TMEM259: variants seen among roughly 807,000 people sequenced by gnomAD.
The protein encoded by TMEM259 is transmembrane protein 259, also known as membralin.
A neutral mutation model predicts 46.7 loss-of-function variants in TMEM259; 26 were observed. The observed-to-expected ratio is 0.56, with a 90% CI of 0.41 to 0.77. The LOEUF (loss-of-function observed/expected upper bound fraction) is 0.77. Ranked by LOEUF, TMEM259 falls within the 30% of genes least tolerant of loss-of-function variation. The pLI, the probability that TMEM259 is intolerant of heterozygous loss-of-function variation, is 0.00. For synonymous variants in TMEM259, 494 were observed against 395.1 expected (o/e 1.25, Z -2.97); for missense variants, 930 against 900.5 (o/e 1.03, Z -0.42).
At position 1,010,387 on chromosome 19, in the gene TMEM259, A is replaced by G. The variant is rs765602985; in HGVS notation, c.1826T>C (p.Met609Thr). 2 of 1,509,616 alleles carry G rather than the reference A, an allele frequency of 1.3e-6. No individual in the cohort carries two copies. The highest frequency in any genetic ancestry group is 1.8e-6 in the Non-Finnish European group (2 of 1,136,214). 93.5% of individuals were successfully genotyped at this position (1,509,616 alleles called of 1,614,324 possible). A position where few individuals can be genotyped will look rare whatever the true frequency, so the allele number is the denominator to read the frequency against. Reference sequence around the variant, plus strand: ...CTCCGAGGGCGCCTCCGTTGGGGCCATGGAGGCCGGGCTAGGCCCGCCTAC... The same window carrying G: ...CTCCGAGGGCGCCTCCGTTGGGGCCGTGGAGGCCGGGCTAGGCCCGCCTAC... ...AAVGGPSPAS[M>T]APTEAPSEVG... The change falls in exon 11 of 11, where the codon ATG becomes ACG. Residue 609 changes from methionine to threonine, a missense_variant. By Grantham distance (81) the Met-to-Thr change is moderately conservative. Coordinates refer to ENST00000356663, the MANE Select transcript of TMEM259 (RefSeq NM_001033026.2).
In TMEM259 at chr19:1,014,330, G is replaced by A. The variant is rs759062265; in HGVS notation, c.369C>T (p.Pro123=). 20 of 1,613,082 alleles carry A rather than the reference G, an allele frequency of 1.2e-5. No individual in the cohort carries two copies. Among genetic ancestry groups the A allele is most frequent in the Admixed American group, 5.0e-5 (3 of 60,020 alleles). The change falls in exon 2 of 11, where the codon CCC becomes CCT. Residue 123 remains proline (P), a synonymous_variant. Transcript: ENST00000356663. ...CGCTGTCACAGAACTGTAGGAAGAC[G>A]GGCGCGCGGCTCGAGTTGTGCCGCA... ...VEVRHNSSRA[P]VFLQFCDSGG...
intron 1 of TMEM259, among the ~76,000 whole-genome samples, chr19:1,019,211 GGGACC>G (rs2039207801): frequency 6.6e-6 from 1 of 152,162 alleles, no homozygotes; most frequent in Non-Finnish European, 1.5e-5. Context: ...GGGACATGGT[GGGACC>G]AGGGCCCAGG....
intron 1 of TMEM259, among the ~76,000 whole-genome samples, chr19:1,015,909 C>T (rs73920542): frequency 0.24 from 36,629 of 151,746 alleles, 4,579 homozygotes; most frequent in African/African-American, 0.31. Flanking sequence ...AACCCACTTC[C>T]AGCCCGGCCG....
At chr19:1,019,780 GC>G (rs1426461143) in intron 1 of TMEM259, among the ~76,000 whole-genome samples, 1 of 152,224 alleles carries the variant, frequency 6.6e-6, no homozygotes, top group African/African-American at 2.4e-5. Flanking sequence ...AACTTCAGCA[GC>G]CCCCAAGCCC....
chr19:1,010,596 A>ACT lies in TMEM259; in HGVS notation c.1616_1617insAG (p.Trp540ValfsTer19). On this transcript the variant is annotated frameshift_variant, in exon 11 of 11. Transcript: ENST00000356663. LOFTEE classifies it low-confidence loss of function (END_TRUNC). Reference sequence around the variant, plus strand: ...TGATGGCAGCGGTCTCTGCCATCCAACCCAGGTCACCACCGGCAGCTGCTG... The same window carrying ACT: ...TGATGGCAGCGGTCTCTGCCATCCAACTCCCAGGTCACCACCGGCAGCTGCTG... 1 of 1,551,314 alleles carries ACT rather than the reference A, an allele frequency of 6.4e-7. No individual in the cohort carries two copies. The highest frequency in any genetic ancestry group is 8.7e-7 in the Non-Finnish European group (1 of 1,149,840).
Position 1,011,559 on chromosome 19 carries a change from GA to G in TMEM259, c.1084+20del. ...GGGCGGGGTGCAGCGCGGGGCGGGGGAGGCCGGGTGGGGTCCTCACCGACGA... is the reference window on the plus strand; with the variant it reads ...GGGCGGGGTGCAGCGCGGGGCGGGGGGGCCGGGTGGGGTCCTCACCGACGA... On this transcript the variant is annotated intron_variant, in intron 8 of 10. Coordinates refer to ENST00000356663, the MANE Select transcript of TMEM259 (RefSeq NM_001033026.2). 1 of 1,490,298 alleles carries G rather than the reference GA, an allele frequency of 6.7e-7. No individual in the cohort carries two copies. The highest frequency in any genetic ancestry group is 9.1e-7 in the Non-Finnish European group (1 of 1,098,334). 92.3% of individuals were successfully genotyped at this position (1,490,298 alleles called of 1,614,324 possible). A position where few individuals can be genotyped will look rare whatever the true frequency, so the allele number is the denominator to read the frequency against.
chr19:1,011,312 C>G, intron 9 of TMEM259, 55 bp downstream of exon 9: 11 of 1,543,350 alleles, frequency 7.1e-6, no homozygotes, highest in Non-Finnish European at 7.8e-6. Flanking sequence ...CCTCTGGCAG[C>G]CCCCTACCCC....
rs887850049 is a variant in TMEM259 at position 1,012,349 on chromosome 19, G to A, written c.718+114C>T. 10 of 1,500,030 alleles carry A rather than the reference G, an allele frequency of 6.7e-6. No individual in the cohort carries two copies. The African/African-American group carries it at 1.4e-4, about 21-fold the overall frequency. The allele number at this position is 1,500,030 out of a possible 1,614,324, so 92.9% of individuals were successfully genotyped here. ...GCCCTGGGAAGCGTGCCTGGGGCGG[G>A]GCAGACCCCAGTGCTTCCTGCACAG... On this transcript the variant is annotated intron_variant, in intron 4 of 10. Transcript: ENST00000356663.
intron 4 of TMEM259, 32 bp downstream of exon 4, chr19:1,012,431 G>A (rs1412929356): frequency 6.4e-7 from 1 of 1,555,664 alleles, no homozygotes; most frequent in East Asian, 2.4e-5. Context: ...GCCCCGCCAT[G>A]GAGCTCCCCA....
In TMEM259 at chr19:1,020,926, G is replaced by C; in HGVS notation, c.71C>G (p.Ala24Gly). ...GAGATTGGGGGTGCGAGGCCCGCGC[G>C]CGGGGGCCGGGCCGCCGCCGCCGCC... ...PNGGGGGPAP[A>G]RGPRTPNLNP... The change falls in exon 1 of 11, where the codon GCG becomes GGG. Residue 24 changes from alanine to glycine, a missense_variant. Transcript: ENST00000356663. This position sits in a 1 kb window ranked among gnomAD's most constrained non-coding sequence, Gnocchi z 4.0. 7.9e-7 allele frequency: 1 copy of C among 1,266,944 alleles called. No homozygotes were observed. The highest frequency in any genetic ancestry group is 9.9e-7 in the Non-Finnish European group (1 of 1,005,284). The allele number at this position is 1,266,944 out of a possible 1,614,324, so 78.5% of individuals were successfully genotyped here. A position where few individuals can be genotyped will look rare whatever the true frequency, so the allele number is the denominator to read the frequency against.
Position 1,010,647 on chromosome 19 carries a change from G to A in TMEM259, c.1566C>T (p.Ser522=), listed in dbSNP as rs1344427137. Residue 522 remains serine, a synonymous_variant, in exon 11 of 11, where the codon TCC becomes TCT. Coordinates refer to ENST00000356663, the MANE Select transcript of TMEM259 (RefSeq NM_001033026.2). The part of the protein sequence containing the change: ...SPGPVAAAPS[S]LVAAAASVAA... ...CCACTGAGGCTGCCGCGGCCACCAG[G>A]GAGCTGGGCGCCGCTGCCACAGGCC... The A allele has an allele frequency of 6.5e-7, 1 of 1,540,466 alleles. No homozygotes were observed.
At chr19:1,015,422 C>T (rs1418078639) in intron 1 of TMEM259, among the ~76,000 whole-genome samples, 1 of 152,200 alleles carries the variant, frequency 6.6e-6, no homozygotes, top group Non-Finnish European at 1.5e-5. Flanking sequence ...GCCCACGCCC[C>T]AGCGTGCTGC....
At chr19:1,018,246 G>A (rs999297783) in intron 1 of TMEM259, among the ~76,000 whole-genome samples, 1 of 152,062 alleles carries the variant, frequency 6.6e-6, no homozygotes, top group South Asian at 2.1e-4. Context: ...GAGGTCTCCC[G>A]AGGGCCCCTG....
In TMEM259 at chr19:1,012,158, C is replaced by T. The variant is rs868142017; in HGVS notation, c.749G>A (p.Arg250His). ...DPTRDQCFGD[R>H]FSRLLLDEFL... is the part of the protein sequence containing the mutation. ...CTCATCCAGCAGCAGGCGGCTGAAG[C>T]GGTCCCCGAAGCACTGGTCCCGCGT... The change falls in exon 5 of 11, where the codon CGC becomes CAC. Residue 250 changes from arginine (R) to histidine (H), a missense_variant. Transcript: ENST00000356663. 12 of 1,606,424 alleles carry T rather than the reference C, an allele frequency of 7.5e-6. No individual in the cohort carries two copies. Among genetic ancestry groups the T allele is most frequent in the African/African-American group, 6.7e-5 (5 of 74,798 alleles).
rs368644367 is a variant in TMEM259, at chr19:1,012,193, G to C, written c.719-5C>G. 1.6e-5 allele frequency: 26 copies of C among 1,596,210 alleles called. No homozygotes were observed. Among genetic ancestry groups the C allele is most frequent in the Non-Finnish European group, 2.0e-5 (24 of 1,172,500 alleles). ...AGCACTGGTCCCGCGTGGGGTCTGCGGGTGGGTGAATCAGGGAGCCGGGAG... is the reference window on the plus strand; with the variant it reads ...AGCACTGGTCCCGCGTGGGGTCTGCCGGTGGGTGAATCAGGGAGCCGGGAG... On this transcript the variant is annotated splice_polypyrimidine_tract_variant and splice_region_variant and intron_variant, in intron 4 of 10. Transcript: ENST00000356663.
rs1275837378 is a variant in TMEM259, at chr19:1,020,690, C to G, written c.225+82G>C. ...TGGCGCTCGCTGTCCCCAGCGGGGC[C>G]AGGGGTCGCGGTCGGAGGTAGCAGA... is the stretch of plus-strand genomic sequence containing the variant. On this transcript the variant is annotated intron_variant, in intron 1 of 10. Coordinates refer to ENST00000356663, the MANE Select transcript of TMEM259 (RefSeq NM_001033026.2). The surrounding 1 kb of genome is among the most constrained non-coding windows in gnomAD (Gnocchi z 4.0). 9.4e-7 allele frequency: 1 copy of G among 1,064,364 alleles called. No homozygotes were observed. Among genetic ancestry groups the G allele is most frequent in the African/African-American group, 1.7e-5 (1 of 60,504 alleles). 65.9% of individuals were successfully genotyped at this position (1,064,364 alleles called of 1,614,324 possible).
At position 1,010,845 on chromosome 19, in the gene TMEM259, C is replaced by T; in HGVS notation, c.1368G>A (p.Gln456=). The change falls in exon 11 of 11, where the codon CAG becomes CAA. Residue 456 remains glutamine, a synonymous_variant. Coordinates refer to ENST00000356663, the MANE Select transcript of TMEM259 (RefSeq NM_001033026.2). ...GCAGCATCTCCTGGATGCGGACCTG[C>T]TGCAGGATGGCAGGCAGCTCGTAGT... ...FHHYELPAIL[Q]QVRIQEMLLQ... 1 of 1,590,364 alleles carries T rather than the reference C, an allele frequency of 6.3e-7. No homozygotes were observed. Among genetic ancestry groups the T allele is most frequent in the East Asian group, 2.2e-5 (1 of 44,628 alleles).
Position 1,020,700 on chromosome 19 carries a change from G to T in TMEM259, c.225+72C>A, listed in dbSNP as rs1341095089. ...TGTCCCCAGCGGGGCCAGGGGTCGCGGTCGGAGGTAGCAGACTTGGGGGTC... is the reference window on the plus strand; with the variant it reads ...TGTCCCCAGCGGGGCCAGGGGTCGCTGTCGGAGGTAGCAGACTTGGGGGTC... On this transcript the variant is annotated intron_variant, in intron 1 of 10. Transcript: ENST00000356663. This position sits in a 1 kb window ranked among gnomAD's most constrained non-coding sequence, Gnocchi z 4.0. 2 of 1,137,076 alleles carry T rather than the reference G, an allele frequency of 1.8e-6. No homozygotes were observed. The highest frequency in any genetic ancestry group is 1.6e-5 in the African/African-American group (1 of 61,942). 70.4% of individuals were successfully genotyped at this position (1,137,076 alleles called of 1,614,324 possible).
At position 1,010,477 on chromosome 19, in the gene TMEM259, G is replaced by A. The variant is rs765611899; in HGVS notation, c.1736C>T (p.Ala579Val). The A allele has an allele frequency of 9.7e-6, 15 of 1,545,872 alleles. No homozygotes were observed. In the Admixed American group the frequency reaches 3.0e-4, roughly 31 times the overall value. Residue 579 changes from alanine (A) to valine (V), a missense_variant, in exon 11 of 11, where the codon GCC becomes GTC. Ala to Val is a moderately conservative substitution (Grantham distance 64, BLOSUM62 0). Coordinates refer to ENST00000356663, the MANE Select transcript of TMEM259 (RefSeq NM_001033026.2). ...ACTCGGGGGGACACTGTCCTGGGGG[G>A]CGTGGGGGAGGCCCCCAGCAGGGCC... ...PLGPAGGLPH[A>V]PQDSVPPSDS... is the part of the protein sequence containing the mutation.
Sources: gnomAD v4.1 joint callset for allele counts (sites outside exome capture counted in the v4.1 genomes callset) on GRCh38, gnomAD v4.1.1 for gene constraint, Gnocchi (gnomAD v3.1) non-coding constraint, MANE v1.5 for transcripts, NCBI Gene and HGNC (gene_info 2026-07-23, HGNC 2026-07-21) for gene names.